DGKB: variants seen among roughly 807,000 people sequenced by gnomAD.
The protein encoded by DGKB is 90 kDa diacylglycerol kinase.
Under a neutral mutation model 114.3 loss-of-function variants are expected in DGKB, and 67 were observed. That is an observed-to-expected ratio of 0.59 (90% CI 0.48 to 0.72). The LOEUF (loss-of-function observed/expected upper bound fraction) is 0.72. DGKB is among the 30% of genes least tolerant of loss of function. The probability of loss-of-function intolerance (pLI) is 0.00; values close to 1 mark genes in which losing one functional copy is unlikely to be tolerated. For missense variants in DGKB, 907 were observed against 975.2 expected, an observed-to-expected ratio of 0.93 and a Z score of 0.93; for synonymous variants, 398 against 323.1, an observed-to-expected ratio of 1.23 and a Z score of -2.49.
intron 2 of DGKB, among the ~76,000 whole-genome samples, chr7:14,766,610 A>G (rs1424634549): frequency 6.6e-6 from 1 of 151,936 alleles, no homozygotes; most frequent in Non-Finnish European, 1.5e-5. Context: ...GCAATTATTT[A>G]TGAGTGTGGA....
rs1201576267 is a variant in DGKB, at chr7:14,146,832, GC to G, written c.*2298del. 1 of 152,096 alleles carries G rather than the reference GC, an allele frequency of 6.6e-6. No individual in the cohort carries two copies. The highest frequency in any genetic ancestry group is 1.5e-5 in the Non-Finnish European group (1 of 67,988). The allele number at this position is 152,096 out of a possible 1,614,324, so 9.4% of individuals were successfully genotyped here. On this transcript the variant is annotated 3_prime_UTR_variant, in exon 26 of 26. Coordinates refer to ENST00000402815, the MANE Select transcript of DGKB (RefSeq NM_001350709.2). ...TATACAGCTACACTGAAGTGAAGCT[GC>G]ATCCCATTATTTCAATCATTGAAAT...
chr7:14,891,148 G>T (rs1781163819), intron 1 of DGKB, among the ~76,000 whole-genome samples: 2 of 151,284 alleles, frequency 1.3e-5, no homozygotes, highest in Admixed American at 1.3e-4. Flanking sequence ...TATCCACAGG[G>T]AATACGTTCC....
At chr7:14,568,500 A>G (rs1432438768) in intron 20 of DGKB, among the ~76,000 whole-genome samples, 1 of 152,188 alleles carries the variant, frequency 6.6e-6, no homozygotes, top group South Asian at 2.1e-4. Flanking sequence ...CCCACTAAAA[A>G]AAATCCACTT....
chr7:14,240,320 T>C (rs932420417), intron 23 of DGKB, among the ~76,000 whole-genome samples: 1 of 152,068 alleles, frequency 6.6e-6, no homozygotes, highest in African/African-American at 2.4e-5. Flanking sequence ...TGAAAAGTCA[T>C]AGAATTTTAA....
chr7:14,563,885 C>G (rs895531030), intron 20 of DGKB, among the ~76,000 whole-genome samples: 78 of 152,058 alleles, frequency 5.1e-4, no homozygotes, highest in Non-Finnish European at 4.1e-4. Flanking sequence ...AAGCAAGCTG[C>G]TGTAGTTTTC....
intron 1 of DGKB, among the ~76,000 whole-genome samples, chr7:14,940,542 T>C (rs73287072): frequency 0.035 from 5,311 of 152,118 alleles, 289 homozygotes; most frequent in African/African-American, 0.12. Context: ...AATAACCATA[T>C]CCAGCTTGAG....
chr7:14,456,054 G>A (rs1205117398), intron 21 of DGKB, among the ~76,000 whole-genome samples: 1 of 151,914 alleles, frequency 6.6e-6, no homozygotes, highest in Admixed American at 6.6e-5. Flanking sequence ...GGGCCAACGG[G>A]ATGCCACATG....
chr7:14,504,475 G>A (rs1786701266), intron 20 of DGKB, among the ~76,000 whole-genome samples: 1 of 152,132 alleles, frequency 6.6e-6, no homozygotes, highest in South Asian at 2.1e-4. Flanking sequence ...ACAACTAAGA[G>A]GCATGTAGAA....
intron 4 of DGKB, among the ~76,000 whole-genome samples, chr7:14,747,336 G>T (rs1357873): frequency 0.022 from 3,381 of 151,066 alleles, 108 homozygotes; most frequent in African/African-American, 0.077. Context: ...GGGACCACAG[G>T]ATTGTGCCAC....
At chr7:14,440,825 T>C (rs1829983485) in intron 21 of DGKB, among the ~76,000 whole-genome samples, 1 of 152,210 alleles carries the variant, frequency 6.6e-6, no homozygotes, top group African/African-American at 2.4e-5. Context: ...TACATCAATG[T>C]ATATACAAAT....
In DGKB at chr7:14,872,292, T is replaced by A. The variant is rs201661464; in HGVS notation, c.-188+30300A>T. ...AAACATACGCTATACCTGCTACCAC[T>A]AGCAACAATCACAAATAAATGATTA... On this transcript the variant is annotated intron_variant, in intron 1 of 25. Transcript: ENST00000402815. Among the ~76,000 whole-genome samples, 5 of 152,282 alleles carry A rather than the reference T, an allele frequency of 3.3e-5. No individual in the cohort carries two copies. In the East Asian group the frequency reaches 9.6e-4, roughly 29 times the overall value.
chr7:14,234,362 A>ATACTACGTGTATATTTATGG, intron 23 of DGKB, among the ~76,000 whole-genome samples: 1 of 152,082 alleles, frequency 6.6e-6, no homozygotes, highest in Non-Finnish European at 1.5e-5. Flanking sequence ...ACAAACACAT[A>ATACTACGTGTATATTTATGG]TACTACGTGT....
intron 23 of DGKB, among the ~76,000 whole-genome samples, chr7:14,253,917 G>A (rs1206766284): frequency 6.6e-6 from 1 of 152,126 alleles, no homozygotes; most frequent in Non-Finnish European, 1.5e-5. Context: ...TTTATGCTCA[G>A]AAAACAAAGT....
chr7:14,620,312 AAAC>A (rs1196400140), intron 15 of DGKB, among the ~76,000 whole-genome samples: 1 of 151,330 alleles, frequency 6.6e-6, no homozygotes, highest in African/African-American at 2.4e-5. Context: ...TTTAGATAAA[AAAC>A]AAACAGTAAC....
At chr7:14,856,009 A>ACG (rs1850097809) in intron 1 of DGKB, among the ~76,000 whole-genome samples, 1 of 28,452 alleles carries the variant, frequency 3.5e-5, no homozygotes, top group Non-Finnish European at 5.1e-5. Context: ...ATATACACAC[A>ACG]CACACACACA....
intron 23 of DGKB, among the ~76,000 whole-genome samples, chr7:14,193,661 A>G (rs755574377): frequency 6.6e-5 from 10 of 152,342 alleles, no homozygotes; most frequent in Admixed American, 5.2e-4. Context: ...ATAAGATCTC[A>G]AAAGCACAGA....
At chr7:14,393,778 T>C (rs1821801553) in intron 21 of DGKB, among the ~76,000 whole-genome samples, 1 of 152,240 alleles carries the variant, frequency 6.6e-6, no homozygotes, top group Non-Finnish European at 1.5e-5. Flanking sequence ...TAACGATTTC[T>C]TTGTTCTAAA....
At chr7:14,762,389 A>G (rs2128456756) in intron 2 of DGKB, among the ~76,000 whole-genome samples, 1 of 152,268 alleles carries the variant, frequency 6.6e-6, no homozygotes, top group Admixed American at 6.5e-5. Flanking sequence ...AAACAATGCC[A>G]TGAGAGTTAA....
At chr7:14,507,049 T>C (rs2128966342) in intron 20 of DGKB, among the ~76,000 whole-genome samples, 1 of 152,300 alleles carries the variant, frequency 6.6e-6, no homozygotes, top group African/African-American at 2.4e-5. Context: ...AAGTGCCTGA[T>C]GTCTGGGTTA....
Sources: allele counts gnomAD v4.1 joint callset (sites outside exome capture counted in the v4.1 genomes callset), GRCh38; gene constraint gnomAD v4.1.1; transcripts MANE v1.5; gene names NCBI Gene and HGNC (gene_info 2026-07-23, HGNC 2026-07-21).